CHCHD3: variants seen among roughly 807,000 people sequenced by gnomAD.
CHCHD3 encodes the protein coiled-coil-helix-coiled-coil-helix domain containing 3.
Under a neutral mutation model 38.2 loss-of-function variants are expected in CHCHD3, and 20 were observed. The observed-to-expected ratio is 0.52, with a 90% CI of 0.37 to 0.76. The LOEUF (loss-of-function observed/expected upper bound fraction) is 0.76. Among genes scored for constraint, CHCHD3 ranks in the 30% least tolerant of loss-of-function variants. The probability of loss-of-function intolerance (pLI) is 0.00; values close to 1 mark genes in which losing one functional copy is unlikely to be tolerated. For missense variants in CHCHD3, 245 were observed against 279.2 expected (o/e 0.88, Z 0.87); for synonymous variants, 82 against 100.0 (o/e 0.82, Z 1.07).
At chr7:132,803,187 G>GAATA (rs1482928435) in intron 6 of CHCHD3, among the ~76,000 whole-genome samples, 1 of 152,104 alleles carries the variant, frequency 6.6e-6, no homozygotes, top group Non-Finnish European at 1.5e-5. Context: ...CAAATTTGAA[G>GAATA]ATTATTCTCT....
At chr7:132,863,225 A>T (rs1808537572) in intron 5 of CHCHD3, among the ~76,000 whole-genome samples, 5 of 152,136 alleles carry the variant, frequency 3.3e-5, no homozygotes, top group Admixed American at 3.3e-4. Context: ...GGTCAAAATT[A>T]CTCCTTGATC....
intron 6 of CHCHD3, among the ~76,000 whole-genome samples, chr7:132,824,694 A>C (rs1319741871): frequency 6.6e-6 from 1 of 152,164 alleles, no homozygotes; most frequent in Non-Finnish European, 1.5e-5. Flanking sequence ...AAGTTCTTCA[A>C]GTCTGACTCC....
At chr7:132,973,015 C>T (rs1811650056) in intron 4 of CHCHD3, 2 of 985,188 alleles carry the variant, frequency 2.0e-6, no homozygotes, top group African/African-American at 1.7e-5. Flanking sequence ...TGTTGAGTAA[C>T]AAATCTTTTG....
intron 2 of CHCHD3, chr7:133,036,067 A>G: frequency 1.4e-6 from 1 of 705,766 alleles, no homozygotes; most frequent in East Asian, 2.7e-5. Flanking sequence ...ATGATTTCAT[A>G]AAATAATTCG....
intron 5 of CHCHD3, among the ~76,000 whole-genome samples, chr7:132,846,451 A>C (rs927132312): frequency 1.3e-5 from 2 of 152,222 alleles, no homozygotes; most frequent in African/African-American, 4.8e-5. Context: ...GTTTTAAGCC[A>C]CTAAGTTTGT....
At chr7:132,851,416 T>C (rs1022330602) in intron 5 of CHCHD3, among the ~76,000 whole-genome samples, 3 of 152,214 alleles carry the variant, frequency 2.0e-5, no homozygotes, top group Non-Finnish European at 2.9e-5. Context: ...TTAATTTTTC[T>C]ATTATTCTTT....
At chr7:132,853,138 T>C (rs1808258940) in intron 5 of CHCHD3, among the ~76,000 whole-genome samples, 1 of 152,158 alleles carries the variant, frequency 6.6e-6, no homozygotes, top group African/African-American at 2.4e-5. Flanking sequence ...TATCCCAGAC[T>C]GTGCACATCT....
intron 4 of CHCHD3, among the ~76,000 whole-genome samples, chr7:132,888,122 C>CT (rs1809262330): frequency 6.6e-6 from 1 of 151,500 alleles, no homozygotes. Flanking sequence ...AGTATAACCT[C>CT]TTTTTTTGTA....
intron 3 of CHCHD3, among the ~76,000 whole-genome samples, chr7:132,979,209 A>AGG (rs1811850824): frequency 1.3e-5 from 2 of 151,982 alleles, no homozygotes; most frequent in Admixed American, 1.3e-4. Context: ...AGGTGGTGGC[A>AGG]GGGGATAAAT....
chr7:132,802,905 T>C (rs1204417821), intron 6 of CHCHD3, among the ~76,000 whole-genome samples: 1 of 152,026 alleles, frequency 6.6e-6, no homozygotes, highest in Non-Finnish European at 1.5e-5. Context: ...AGCTAACAAA[T>C]TGCGCTTTCG....
At chr7:133,008,369 G>GA (rs10708536) in intron 3 of CHCHD3, among the ~76,000 whole-genome samples, 1 of 141,554 alleles carries the variant, frequency 7.1e-6, no homozygotes, top group Non-Finnish European at 1.5e-5. Flanking sequence ...TTTAAGAGAA[G>GA]AAAAAAAAAA....
In CHCHD3 at chr7:132,969,364, C is replaced by T. The variant is rs967879657; in HGVS notation, c.369+5805G>A. Among the ~76,000 whole-genome samples, 5 of 151,910 alleles carry T rather than the reference C, an allele frequency of 3.3e-5. No individual in the cohort carries two copies. The South Asian group carries it at 8.3e-4, about 25-fold the overall frequency. On this transcript the variant is annotated intron_variant, in intron 4 of 7. Coordinates refer to ENST00000262570, the MANE Select transcript of CHCHD3 (RefSeq NM_017812.4). The stretch of plus-strand genomic sequence containing the variant: ...CAGTAGGTGTTTAATAAATATATGA[C>T]GAAGGACAATGCAGAAAGGGACAAA...
At chr7:133,048,047 C>A (rs1814046524) in intron 2 of CHCHD3, among the ~76,000 whole-genome samples, 1 of 151,922 alleles carries the variant, frequency 6.6e-6, no homozygotes, top group South Asian at 2.1e-4. Flanking sequence ...GAGATCACGC[C>A]ATTGCACTCC....
intron 4 of CHCHD3, among the ~76,000 whole-genome samples, chr7:132,890,072 G>A (rs908228262): frequency 1.3e-5 from 2 of 152,116 alleles, no homozygotes; most frequent in Admixed American, 6.5e-5. Flanking sequence ...TCGGGATAAC[G>A]TAACTGGGCT....
intron 3 of CHCHD3, among the ~76,000 whole-genome samples, chr7:133,019,245 G>C (rs10277387): frequency 6.6e-6 from 1 of 152,060 alleles, no homozygotes; most frequent in African/African-American, 2.4e-5. Context: ...GTTTGTTTCA[G>C]AACTCTTCCC....
chr7:133,074,029 C>A (rs1814904465), intron 1 of CHCHD3, among the ~76,000 whole-genome samples: 1 of 152,214 alleles, frequency 6.6e-6, no homozygotes. Flanking sequence ...CACTCCATTC[C>A]AACCCTGCCT....
chr7:132,943,622 CTT>C (rs1231443721), intron 4 of CHCHD3, among the ~76,000 whole-genome samples: 1 of 151,916 alleles, frequency 6.6e-6, no homozygotes, highest in Non-Finnish European at 1.5e-5. Context: ...GCAGTGATGA[CTT>C]AAATAAATTT....
At chr7:133,019,022 T>A (rs1325086382) in intron 3 of CHCHD3, among the ~76,000 whole-genome samples, 1 of 151,910 alleles carries the variant, frequency 6.6e-6, no homozygotes, top group Non-Finnish European at 1.5e-5. Context: ...TAGCTGGGAT[T>A]ACAGGCTTGT....
chr7:133,035,452 C>T lies in CHCHD3; in HGVS notation c.170-10825G>A, dbSNP rs758532558. ...ACAACTGTGATGTCAGCCAATGTCA[C>T]TCGTTCGCCCACCAGAAAAGTCCTC... On this transcript the variant is annotated intron_variant, in intron 2 of 7. Coordinates refer to ENST00000262570, the MANE Select transcript of CHCHD3 (RefSeq NM_017812.4). This position sits in a 1 kb window ranked among gnomAD's most constrained non-coding sequence, Gnocchi z 4.7. 2 of 1,613,552 alleles carry T rather than the reference C, an allele frequency of 1.2e-6. No homozygotes were observed. The highest frequency in any genetic ancestry group is 1.1e-5 in the South Asian group (1 of 91,064).
Sources: allele counts gnomAD v4.1 joint callset (sites outside exome capture counted in the v4.1 genomes callset), GRCh38; gene constraint gnomAD v4.1.1; non-coding constraint Gnocchi (gnomAD v3.1); transcripts MANE v1.5; gene names NCBI Gene and HGNC (gene_info 2026-07-23, HGNC 2026-07-21).